Variants in GFRA1 observed in about 807,000 individuals in gnomAD.
The protein encoded by GFRA1 is GDNF family receptor alpha-1.
GFRA1 carries 16 observed loss-of-function variants against 51.6 expected under a neutral mutation model. The ratio of observed to expected loss-of-function variants is 0.31; its 90% CI spans 0.21 to 0.47. GFRA1 has a LOEUF of 0.47. Among genes scored for constraint, GFRA1 ranks in the 20% least tolerant of loss-of-function variants. The probability of loss-of-function intolerance (pLI) is 1.00; values close to 1 mark genes in which losing one functional copy is unlikely to be tolerated. For synonymous variants in GFRA1, 270 were observed against 241.3 expected (o/e 1.12, Z -1.10); for missense variants, 530 against 594.3 (o/e 0.89, Z 1.13).
At chr10:116,223,512 TC>T (rs1238838631) in intron 4 of GFRA1, among the ~76,000 whole-genome samples, 2 of 152,180 alleles carry the variant, frequency 1.3e-5, no homozygotes, top group Non-Finnish European at 2.9e-5. Context: ...CTCTCCATCG[TC>T]CCATGTCATG....
chr10:116,185,811 G>A (rs534953960), intron 5 of GFRA1, among the ~76,000 whole-genome samples: 4 of 152,224 alleles, frequency 2.6e-5, no homozygotes, highest in East Asian at 3.9e-4. Flanking sequence ...AACACTAGCA[G>A]GGCAATAAAG....
chr10:116,218,257 G>C (rs139514510), intron 4 of GFRA1, among the ~76,000 whole-genome samples: 4 of 152,100 alleles, frequency 2.6e-5, no homozygotes, highest in Middle Eastern at 3.2e-3. Flanking sequence ...CCACCATTTA[G>C]GGGGCTCAGC....
At chr10:116,130,674 C>T (rs1479579389) in intron 5 of GFRA1, among the ~76,000 whole-genome samples, 4 of 151,958 alleles carry the variant, frequency 2.6e-5, no homozygotes, top group African/African-American at 7.2e-5. Context: ...GTCTTTTCAA[C>T]ATATGGTACT....
intron 4 of GFRA1, among the ~76,000 whole-genome samples, chr10:116,238,707 T>A (rs1967104777): frequency 6.6e-6 from 1 of 152,234 alleles, no homozygotes; most frequent in African/African-American, 2.4e-5. Flanking sequence ...CCATTTAATC[T>A]AAAATCTATG....
intron 5 of GFRA1, among the ~76,000 whole-genome samples, chr10:116,142,143 G>T (rs762262087): frequency 3.3e-5 from 5 of 152,180 alleles, no homozygotes; most frequent in Non-Finnish European, 5.9e-5. Context: ...ATTATTCATT[G>T]TGGGCATTTG....
At chr10:116,128,779 T>TAATA (rs1957982860) in intron 5 of GFRA1, among the ~76,000 whole-genome samples, 1 of 150,740 alleles carries the variant, frequency 6.6e-6, no homozygotes, top group Admixed American at 6.6e-5. Context: ...TTCTTTGTTA[T>TAATA]AATAATACCT....
intron 4 of GFRA1, among the ~76,000 whole-genome samples, chr10:116,229,407 G>A (rs938499674): frequency 4.6e-5 from 7 of 152,150 alleles, no homozygotes; most frequent in Admixed American, 1.3e-4. Flanking sequence ...TCAAAGCACT[G>A]GGCCACTGAA....
intron 5 of GFRA1, among the ~76,000 whole-genome samples, chr10:116,206,718 C>T (rs572025737): frequency 5.1e-4 from 75 of 147,292 alleles, no homozygotes; most frequent in African/African-American, 1.7e-3. Flanking sequence ...CTGCAAGCTC[C>T]GCCTCCCGGG....
At chr10:116,117,562 T>TGGAC (rs1178232008) in intron 6 of GFRA1, among the ~76,000 whole-genome samples, 2 of 136,932 alleles carry the variant, frequency 1.5e-5, no homozygotes, top group Non-Finnish European at 3.1e-5. Context: ...GGTGTGTGGA[T>TGGAC]GGATGGATGG....
At chr10:116,110,878 G>GT (rs1287519270) in intron 6 of GFRA1, among the ~76,000 whole-genome samples, 2 of 152,206 alleles carry the variant, frequency 1.3e-5, no homozygotes, top group Non-Finnish European at 2.9e-5. Flanking sequence ...TGACCCATCT[G>GT]TGGACTGAGG....
chr10:116,090,272 T>C (rs1306718245), intron 8 of GFRA1, among the ~76,000 whole-genome samples: 2 of 152,072 alleles, frequency 1.3e-5, no homozygotes, highest in Non-Finnish European at 2.9e-5. Flanking sequence ...TTACTTGGGA[T>C]CATAACTGTC....
chr10:116,164,594 C>T lies in GFRA1; in HGVS notation c.434-39037G>A, dbSNP rs565506284. On this transcript the variant is annotated intron_variant, in intron 5 of 10. Coordinates refer to ENST00000355422, the MANE Select transcript of GFRA1 (RefSeq NM_005264.8). Reference sequence around the variant, plus strand: ...TGGAGAGAACGTGGGCATTTATTTTCGGATTCTCATTCAGTGTTGGGTCTT... The same window carrying T: ...TGGAGAGAACGTGGGCATTTATTTTTGGATTCTCATTCAGTGTTGGGTCTT... 1.8e-4 allele frequency among the ~76,000 whole-genome samples: 27 copies of T among 152,290 alleles called. 1 individual carries two copies. The South Asian group carries it at 2.1e-3, about 12-fold the overall frequency.
intron 4 of GFRA1, among the ~76,000 whole-genome samples, chr10:116,235,367 C>A (rs1966854880): frequency 6.6e-6 from 1 of 152,188 alleles, no homozygotes; most frequent in Admixed American, 6.5e-5. Flanking sequence ...GGTGCCTATT[C>A]CCTCTTTGCC....
At chr10:116,144,123 C>A (rs567461219) in intron 5 of GFRA1, among the ~76,000 whole-genome samples, 1 of 152,164 alleles carries the variant, frequency 6.6e-6, no homozygotes, top group East Asian at 1.9e-4. Context: ...ACACTTTGCA[C>A]GTGATTCTGC....
chr10:116,108,304 TTAGA>T (rs2133956264), intron 6 of GFRA1, among the ~76,000 whole-genome samples: 1 of 152,288 alleles, frequency 6.6e-6, no homozygotes, highest in South Asian at 2.1e-4. Flanking sequence ...ATCTTCCTTC[TTAGA>T]TAGGGCATTG....
intron 5 of GFRA1, among the ~76,000 whole-genome samples, chr10:116,169,248 C>T (rs1007846339): frequency 9.2e-5 from 14 of 152,214 alleles, no homozygotes; most frequent in Admixed American, 2.0e-4. Flanking sequence ...TTTTTGCCTT[C>T]CAAAGGCTAT....
At chr10:116,257,468 G>T (rs1439433893) in intron 4 of GFRA1, among the ~76,000 whole-genome samples, 1 of 152,112 alleles carries the variant, frequency 6.6e-6, no homozygotes. Context: ...CAACTGGAAG[G>T]GAGGAGCTTG....
chr10:116,270,198 T>C (rs1843789175), intron 3 of GFRA1, among the ~76,000 whole-genome samples: 1 of 152,162 alleles, frequency 6.6e-6, no homozygotes, highest in Non-Finnish European at 1.5e-5. Context: ...TTGGACTGGA[T>C]GGTTGTGACC....
chr10:116,258,326 C>T (rs955761444), intron 4 of GFRA1, among the ~76,000 whole-genome samples: 1 of 146,652 alleles, frequency 6.8e-6, no homozygotes, highest in Non-Finnish European at 1.5e-5. Flanking sequence ...TCTCTTCATT[C>T]TAAAATAAGT....
Sources: gnomAD v4.1 joint callset for allele counts (sites outside exome capture counted in the v4.1 genomes callset) on GRCh38, gnomAD v4.1.1 for gene constraint, MANE v1.5 for transcripts, NCBI Gene and HGNC (gene_info 2026-07-23, HGNC 2026-07-21) for gene names.